The following MYO5B variants were observed in gnomAD, a reference collection of about 807,000 sequenced individuals.
MYO5B encodes myosin VB, also known as unconventional myosin-Vb.
In MYO5B, 143 loss-of-function variants were observed where a neutral mutation model predicts 229.3. That is an observed-to-expected ratio of 0.62 (90% CI 0.54 to 0.72). The LOEUF is 0.72. MYO5B is among the 30% of genes least tolerant of loss of function. The pLI, the probability that MYO5B is intolerant of heterozygous loss-of-function variation, is 0.00. For synonymous variants in MYO5B, 918 were observed against 885.2 expected, an observed-to-expected ratio of 1.04 and a Z score of -0.66; for missense variants, 2,321 against 2,331.0, an observed-to-expected ratio of 1.00 and a Z score of 0.09.
chr18:49,887,951 G>A (rs1418514202), intron 22 of MYO5B, among the ~76,000 whole-genome samples: 1 of 152,092 alleles, frequency 6.6e-6, no homozygotes, highest in African/African-American at 2.4e-5. Flanking sequence ...CTCCCAAAGT[G>A]CTGGGATTAC....
chr18:50,117,609 C>G (rs1334733390), intron 1 of MYO5B, among the ~76,000 whole-genome samples: 1 of 151,796 alleles, frequency 6.6e-6, no homozygotes, highest in East Asian at 1.9e-4. Flanking sequence ...CTTAAATGCT[C>G]TAAAAGCCGA....
At chr18:50,039,632 A>C (rs561484303) in intron 3 of MYO5B, among the ~76,000 whole-genome samples, 18 of 152,278 alleles carry the variant, frequency 1.2e-4, no homozygotes, top group African/African-American at 2.6e-4. Context: ...CGCCCGGCGG[A>C]AAGGAAAAGT....
At chr18:49,937,495 AAC>A (rs1159480833) in intron 14 of MYO5B, 98 bp from the exon 15 acceptor site, 8 of 1,415,190 alleles carry the variant, frequency 5.7e-6, no homozygotes, top group African/African-American at 2.8e-5. Context: ...GAGAACGGAA[AAC>A]ACACATCCAC....
Position 50,194,955 on chromosome 18 carries a change from C to T in MYO5B, c.-162G>A. The stretch of plus-strand genomic sequence containing the variant: ...GCCGGCTTCCCGCAGGCGCCGCGGC[C>T]GGCTCGCTCCCGGCGGCGCGACCTT... On this transcript the variant is annotated 5_prime_UTR_variant, in exon 1 of 40. Coordinates refer to ENST00000285039, the MANE Select transcript of MYO5B (RefSeq NM_001080467.3). 9.4e-7 allele frequency: 1 copy of T among 1,062,596 alleles called. No individual in the cohort carries two copies. Among genetic ancestry groups the T allele is most frequent in the Non-Finnish European group, 1.2e-6 (1 of 842,390 alleles). The allele number at this position is 1,062,596 out of a possible 1,614,324, so 65.8% of individuals were successfully genotyped here.
At chr18:49,960,166 C>T (rs1310905009) in intron 12 of MYO5B, among the ~76,000 whole-genome samples, 1 of 152,304 alleles carries the variant, frequency 6.6e-6, no homozygotes, top group East Asian at 1.9e-4. Flanking sequence ...GCACAGCTTC[C>T]CCAAGAAAAG....
rs59785909 is a variant in MYO5B at position 49,830,829 on chromosome 18, CAAAAAAAAA to C, written c.5395-4215_5395-4207del. On this transcript the variant is annotated intron_variant, in intron 39 of 39. Transcript: ENST00000285039. ...TGGGTGATAGAGTGAGACTCTGTCT[CAAAAAAAAA>C]AAAAAAAAAAAAAAGGAAAACAAAA... is the stretch of plus-strand genomic sequence containing the variant. 8.9e-3 allele frequency among the ~76,000 whole-genome samples: 649 copies of C among 72,966 alleles called. 14 individuals are homozygous for C. The highest frequency in any genetic ancestry group is 0.036 in the African/African-American group (626 of 17,480). 47.9% of individuals were successfully genotyped at this position (72,966 alleles called of 152,430 possible).
At chr18:49,939,146 TTC>T (rs1394078960) in intron 14 of MYO5B, among the ~76,000 whole-genome samples, 5 of 131,768 alleles carry the variant, frequency 3.8e-5, no homozygotes, top group Non-Finnish European at 1.6e-5. Flanking sequence ...TTTCTTTTTT[TTC>T]TTTTTTTTTT....
At chr18:49,907,830 G>T (rs955818676) in intron 18 of MYO5B, among the ~76,000 whole-genome samples, 1 of 152,240 alleles carries the variant, frequency 6.6e-6, no homozygotes, top group African/African-American at 2.4e-5. Context: ...CGTGAAGCTG[G>T]CAAGAGTGGG....
intron 30 of MYO5B, among the ~76,000 whole-genome samples, chr18:49,854,853 T>G (rs1214247507): frequency 6.6e-6 from 1 of 152,152 alleles, no homozygotes; most frequent in Non-Finnish European, 1.5e-5. Flanking sequence ...AAGTCTACAC[T>G]GTTGATATAA....
intron 1 of MYO5B, among the ~76,000 whole-genome samples, chr18:50,058,702 C>T (rs2030613000): frequency 6.6e-6 from 1 of 151,330 alleles, no homozygotes; most frequent in African/African-American, 2.4e-5. Context: ...TCCCAGCTAC[C>T]TGGGAGGCTG....
intron 30 of MYO5B, among the ~76,000 whole-genome samples, chr18:49,856,297 A>G (rs777416982): frequency 5.3e-5 from 8 of 152,228 alleles, no homozygotes; most frequent in Non-Finnish European, 8.8e-5. Flanking sequence ...CTTGGCTGCC[A>G]TCAGCTCCAG....
In MYO5B at chr18:49,885,973, C is replaced by T. The variant is rs537550938; in HGVS notation, c.3046-5518G>A. Among the ~76,000 whole-genome samples, 9 of 152,344 alleles carry T rather than the reference C, an allele frequency of 5.9e-5. No individual in the cohort carries two copies. The East Asian group carries it at 1.5e-3, about 26-fold the overall frequency. On this transcript the variant is annotated intron_variant, in intron 22 of 39. Coordinates refer to ENST00000285039, the MANE Select transcript of MYO5B (RefSeq NM_001080467.3). ...CTTTTTTTTGAGACAAGGTCTCACC[C>T]TGTTACCCAAGCTGGAGTGCTGTGG...
intron 26 of MYO5B, among the ~76,000 whole-genome samples, chr18:49,874,048 CA>C (rs1197222886): frequency 6.6e-6 from 1 of 152,154 alleles, no homozygotes; most frequent in Non-Finnish European, 1.5e-5. Flanking sequence ...ACTTGACCTC[CA>C]AAAGCTCCAT....
At chr18:49,870,018 C>T (rs1294068243) in intron 27 of MYO5B, among the ~76,000 whole-genome samples, 1 of 152,190 alleles carries the variant, frequency 6.6e-6, no homozygotes, top group African/African-American at 2.4e-5. Context: ...TTGGGAAAGG[C>T]GGGTGAAGGT....
intron 1 of MYO5B, among the ~76,000 whole-genome samples, chr18:50,193,260 C>A (rs938936693): frequency 2.0e-5 from 3 of 152,236 alleles, no homozygotes; most frequent in African/African-American, 7.2e-5. Flanking sequence ...AGAGTTCACG[C>A]CCTGGCTCCC....
chr18:50,045,580 G>C (rs141980922), intron 2 of MYO5B, among the ~76,000 whole-genome samples: 2 of 152,258 alleles, frequency 1.3e-5, no homozygotes, highest in East Asian at 3.9e-4. Flanking sequence ...TTTTGGTAGA[G>C]ACAGGGTTTC....
chr18:50,061,130 T>C (rs933524681), intron 1 of MYO5B, among the ~76,000 whole-genome samples: 34 of 152,188 alleles, frequency 2.2e-4, no homozygotes, highest in Non-Finnish European at 3.2e-4. Flanking sequence ...TTTATCCATA[T>C]ATATGAATTA....
chr18:49,868,740 G>T (rs539062642), intron 27 of MYO5B, among the ~76,000 whole-genome samples: 2 of 152,284 alleles, frequency 1.3e-5, no homozygotes, highest in South Asian at 4.1e-4. Flanking sequence ...AACAGTCACT[G>T]CAGGGAGACC....
chr18:50,028,516 G>C (rs1222874875), intron 4 of MYO5B, among the ~76,000 whole-genome samples: 4 of 152,056 alleles, frequency 2.6e-5, no homozygotes, highest in African/African-American at 7.2e-5. Flanking sequence ...GGGCCAGAGT[G>C]GGGGGCAAGG....
Sources: gnomAD v4.1 joint callset for allele counts (sites outside exome capture counted in the v4.1 genomes callset) on GRCh38, gnomAD v4.1.1 for gene constraint, MANE v1.5 for transcripts, NCBI Gene and HGNC (gene_info 2026-07-23, HGNC 2026-07-21) for gene names.